Variants in MTAP observed in about 807,000 individuals in gnomAD.
MTAP encodes methylthioadenosine phosphorylase.
In MTAP, 33 loss-of-function variants were observed where a neutral mutation model predicts 33.6. The observed-to-expected ratio is 0.98, with a 90% confidence interval of 0.74 to 1.31. The LOEUF (loss-of-function observed/expected upper bound fraction) is 1.31. Among genes scored for constraint, MTAP ranks in the 40% most tolerant of loss-of-function variants. MTAP has a pLI of 0.00. For missense variants in MTAP, 367 were observed against 360.0 expected (o/e 1.02, Z -0.16); for synonymous variants, 148 against 125.7 (o/e 1.18, Z -1.19).
At chr9:21,896,094 A>G (rs1420112599) in intron 1 of MTAP, among the ~76,000 whole-genome samples, 1 of 152,260 alleles carries the variant, frequency 6.6e-6, no homozygotes, top group African/African-American at 2.4e-5. Flanking sequence ...ACTAGAACTC[A>G]GGATTAAGAA....
chr9:21,897,545 A>G (rs1818316952), intron 1 of MTAP, among the ~76,000 whole-genome samples: 3 of 152,230 alleles, frequency 2.0e-5, no homozygotes, highest in Admixed American at 2.0e-4. Context: ...TCAGGATACA[A>G]AATCAATGTG....
chr9:21,904,322 C>A (rs1196632754), intron 1 of MTAP, among the ~76,000 whole-genome samples: 1 of 152,202 alleles, frequency 6.6e-6, no homozygotes, highest in Non-Finnish European at 1.5e-5. Context: ...GGAAATGCAA[C>A]ATTTGCGCAG....
chr9:21,927,690 G>T (rs934499181), intron 1 of MTAP, among the ~76,000 whole-genome samples: 1 of 152,190 alleles, frequency 6.6e-6, no homozygotes, highest in Admixed American at 6.5e-5. Context: ...CCCAGTTACA[G>T]AGGTGGTAGC....
rs1054245509 is a variant in MTAP at position 21,849,806 on chromosome 9, A to G, written c.451-4825A>G. Among the ~76,000 whole-genome samples the G allele has an allele frequency of 1.2e-4, 19 of 152,324 alleles. No individual in the cohort carries two copies. The South Asian group carries it at 3.9e-3, about 32-fold the overall frequency. On this transcript the variant is annotated intron_variant, in intron 5 of 7. Transcript: ENST00000644715. Reference sequence around the variant, plus strand: ...ATGACAGTGGATTACAATAAGCTGAACCAAGTGGTGACTCCAATTGCAGCT... The same window carrying G: ...ATGACAGTGGATTACAATAAGCTGAGCCAAGTGGTGACTCCAATTGCAGCT...
At chr9:21,825,786 A>G (rs1033616425) in intron 4 of MTAP, among the ~76,000 whole-genome samples, 13 of 152,232 alleles carry the variant, frequency 8.5e-5, no homozygotes, top group Admixed American at 5.9e-4. Context: ...GGCTAGAATG[A>G]TTCATGAATG....
chr9:21,881,178 A>G (rs1818005444), intron 1 of MTAP, among the ~76,000 whole-genome samples: 1 of 152,094 alleles, frequency 6.6e-6, no homozygotes, highest in African/African-American at 2.4e-5. Flanking sequence ...TTCTTTAACA[A>G]ATGCTATTGT....
chr9:21,806,527 G>T (rs1587191435), intron 1 of MTAP, among the ~76,000 whole-genome samples: 1 of 152,164 alleles, frequency 6.6e-6, no homozygotes, highest in East Asian at 1.9e-4. Context: ...CAGAGTGGGT[G>T]GCAGGTTGAG....
In MTAP at chr9:21,829,604, G is replaced by A. The variant is rs191650065; in HGVS notation, c.348-8304G>A. Among the ~76,000 whole-genome samples the A allele has an allele frequency of 5.2e-4, 79 of 150,922 alleles. 1 individual carries two copies. The highest frequency in any genetic ancestry group is 9.7e-4 in the Non-Finnish European group (66 of 67,860). On this transcript the variant is annotated intron_variant, in intron 4 of 7. Coordinates refer to ENST00000644715, the MANE Select transcript of MTAP (RefSeq NM_002451.4). ...GAACCACACACATTGGCCTATTGCC[G>A]TAAGTTTGTCAGCACGTTGTCTCAG...
At chr9:21,908,784 T>C (rs112331956) in intron 1 of MTAP, among the ~76,000 whole-genome samples, 32 of 141,350 alleles carry the variant, frequency 2.3e-4, no homozygotes, top group African/African-American at 9.5e-4. Flanking sequence ...AGCATATGTC[T>C]TTGTATAGCT....
chr9:21,939,305 A>T (rs1819096257), downstream of MTAP, among the ~76,000 whole-genome samples: 1 of 152,196 alleles, frequency 6.6e-6, no homozygotes, highest in Admixed American at 6.5e-5. Context: ...CATGGGATAA[A>T]ATGTATTGAT....
chr9:21,928,666 C>G (rs890020920), intron 1 of MTAP, among the ~76,000 whole-genome samples: 2 of 152,050 alleles, frequency 1.3e-5, no homozygotes, highest in Non-Finnish European at 2.9e-5. Flanking sequence ...AAGTGGTACC[C>G]TCACTTTGCC....
chr9:21,806,048 G>C (rs567254731), intron 1 of MTAP, among the ~76,000 whole-genome samples: 18 of 152,268 alleles, frequency 1.2e-4, no homozygotes, highest in Non-Finnish European at 2.4e-4. Flanking sequence ...TGTAGACCGC[G>C]ATCAAGAATT....
At chr9:21,853,297 G>A (rs1402994788) in intron 5 of MTAP, among the ~76,000 whole-genome samples, 1 of 152,096 alleles carries the variant, frequency 6.6e-6, no homozygotes, top group Admixed American at 6.5e-5. Context: ...AACTTTAGGG[G>A]GGAAAAGGGG....
At chr9:21,814,344 A>T (rs1824425754) in intron 1 of MTAP, among the ~76,000 whole-genome samples, 1 of 151,912 alleles carries the variant, frequency 6.6e-6, no homozygotes, top group Non-Finnish European at 1.5e-5. Flanking sequence ...TAATCCTGGA[A>T]TTTTTTTCTT....
At chr9:21,885,221 A>G (rs1183131570) in intron 1 of MTAP, among the ~76,000 whole-genome samples, 6 of 152,244 alleles carry the variant, frequency 3.9e-5, no homozygotes, top group Non-Finnish European at 5.9e-5. Flanking sequence ...TTTTATAGGC[A>G]AAGTATATCA....
chr9:21,864,565 A>G lies in MTAP; in HGVS notation c.*2551A>G. 1.0e-6 allele frequency: 1 copy of G among 985,496 alleles called. No homozygotes were observed. The highest frequency in any genetic ancestry group is 1.1e-4 in the East Asian group (1 of 8,818). 61.0% of individuals were successfully genotyped at this position (985,496 alleles called of 1,614,324 possible). A position where few individuals can be genotyped will look rare whatever the true frequency, so the allele number is the denominator to read the frequency against. The stretch of plus-strand genomic sequence containing the variant: ...GGCATGGATTTTCATGGTTTTGAGA[A>G]TGACATCCTGGCCCTGTGGTCCCCG... On this transcript the variant is annotated 3_prime_UTR_variant, in exon 8 of 8. Coordinates refer to ENST00000644715, the MANE Select transcript of MTAP (RefSeq NM_002451.4).
At chr9:21,921,763 G>C (rs1818791151) in intron 1 of MTAP, among the ~76,000 whole-genome samples, 1 of 152,138 alleles carries the variant, frequency 6.6e-6, no homozygotes. Context: ...TTGAGCTCAG[G>C]AGTTTGAGAC....
rs1328746445 is a variant in MTAP, at chr9:21,866,335, TC to T, written c.*4322del. ...TATTCTTAGTCTTTAGCTTGCCTTT[TC>T]ATTTTCTTAATTATGTCTTTCAAAG... On this transcript the variant is annotated 3_prime_UTR_variant, in exon 8 of 8. Coordinates refer to ENST00000644715, the MANE Select transcript of MTAP (RefSeq NM_002451.4). 2 of 152,210 alleles carry T rather than the reference TC, an allele frequency of 1.3e-5. No individual in the cohort carries two copies. Among genetic ancestry groups the T allele is most frequent in the African/African-American group, 4.8e-5 (2 of 41,470 alleles). 9.4% of individuals were successfully genotyped at this position (152,210 alleles called of 1,614,324 possible).
Position 21,864,146 on chromosome 9 carries a change from C to G in MTAP, c.*2132C>G. On this transcript the variant is annotated 3_prime_UTR_variant, in exon 8 of 8. Transcript: ENST00000644715. ...GTTCAGAAAGTACAGTTCTCTCCAACTTGCAGAGGTACTTTTCTTGATTAA... is the reference window on the plus strand; with the variant it reads ...GTTCAGAAAGTACAGTTCTCTCCAAGTTGCAGAGGTACTTTTCTTGATTAA... 2.0e-6 allele frequency: 2 copies of G among 985,454 alleles called. No homozygotes were observed. Among genetic ancestry groups the G allele is most frequent in the Non-Finnish European group, 2.4e-6 (2 of 829,946 alleles). 61.0% of individuals were successfully genotyped at this position (985,454 alleles called of 1,614,324 possible). A position where few individuals can be genotyped will look rare whatever the true frequency, so the allele number is the denominator to read the frequency against.
Sources: allele counts gnomAD v4.1 joint callset (sites outside exome capture counted in the v4.1 genomes callset), GRCh38; gene constraint gnomAD v4.1.1; transcripts MANE v1.5; gene names NCBI Gene and HGNC (gene_info 2026-07-23, HGNC 2026-07-21).